RO60: variants seen among roughly 807,000 people sequenced by gnomAD.
RO60 encodes the protein RNA-binding protein RO60.
RO60 carries 20 observed loss-of-function variants against 55.3 expected under a neutral mutation model. The ratio of observed to expected loss-of-function variants is 0.36; its 90% CI spans 0.25 to 0.53. The LOEUF is 0.53. RO60 is among the 20% of genes least tolerant of loss of function. The pLI is 0.92. For synonymous variants in RO60, 213 were observed against 213.6 expected, an observed-to-expected ratio of 1.00 and a Z score of 0.02; for missense variants, 558 against 646.6, an observed-to-expected ratio of 0.86 and a Z score of 1.49.
Position 193,084,831 on chromosome 1 carries a change from GGT to G in RO60, c.*101_*102del. The G allele has an allele frequency of 6.5e-7, 1 of 1,528,568 alleles. No individual in the cohort carries two copies. Among genetic ancestry groups the G allele is most frequent in the Non-Finnish European group, 8.7e-7 (1 of 1,145,546 alleles). 94.7% of individuals were successfully genotyped at this position (1,528,568 alleles called of 1,614,324 possible). A position where few individuals can be genotyped will look rare whatever the true frequency, so the allele number is the denominator to read the frequency against. On this transcript the variant is annotated 3_prime_UTR_variant, in exon 9 of 9. Transcript: ENST00000400968. ...TAATCTCCACCCAATGAATGATGATGGTATAGTATGTGCATAATGGAAAGTTA... is the reference window on the plus strand; with the variant it reads ...TAATCTCCACCCAATGAATGATGATGATAGTATGTGCATAATGGAAAGTTA...
chr1:193,081,151 T>C (rs1674283369), intron 5 of RO60, among the ~76,000 whole-genome samples: 1 of 152,306 alleles, frequency 6.6e-6, no homozygotes, highest in East Asian at 1.9e-4. Flanking sequence ...TTGTTTTACC[T>C]GTAAAAGCTA....
At chr1:193,067,286 C>T (rs1057467612) in intron 1 of RO60, among the ~76,000 whole-genome samples, 18 of 150,448 alleles carry the variant, frequency 1.2e-4, no homozygotes, top group African/African-American at 3.7e-4. Flanking sequence ...CCCGGGTTCA[C>T]GCCATTCTCC....
At chr1:193,065,968 C>G (rs1302140256) in intron 1 of RO60, among the ~76,000 whole-genome samples, 1 of 152,162 alleles carries the variant, frequency 6.6e-6, no homozygotes, top group African/African-American at 2.4e-5. Flanking sequence ...ACTATGTGTT[C>G]CCCTCTCTGA....
chr1:193,083,311 CTTGAAAAA>C (rs1267337166), intron 8 of RO60, among the ~76,000 whole-genome samples: 1 of 151,948 alleles, frequency 6.6e-6, no homozygotes, highest in African/African-American at 2.4e-5. Flanking sequence ...CAGTGTGCTC[CTTGAAAAA>C]TTGAAAGTAT....
chr1:193,082,466 G>A, intron 7 of RO60, 96 bp from the exon 8 acceptor site: 1 of 1,427,044 alleles, frequency 7.0e-7, no homozygotes, highest in Non-Finnish European at 9.7e-7. Flanking sequence ...GCTTTGGGAA[G>A]GCTGTATATA....
At position 193,059,629 on chromosome 1, in the gene RO60, G is replaced by A; in HGVS notation, c.-169G>A. 1 of 1,406,420 alleles carries A rather than the reference G, an allele frequency of 7.1e-7. No homozygotes were observed. The highest frequency in any genetic ancestry group is 9.5e-7 in the Non-Finnish European group (1 of 1,049,554). 87.1% of individuals were successfully genotyped at this position (1,406,420 alleles called of 1,614,324 possible). A position where few individuals can be genotyped will look rare whatever the true frequency, so the allele number is the denominator to read the frequency against. On this transcript the variant is annotated 5_prime_UTR_variant, in exon 1 of 9. Coordinates refer to ENST00000400968, the MANE Select transcript of RO60 (RefSeq NM_001173524.2). This position sits in a 1 kb window ranked among gnomAD's most constrained non-coding sequence, Gnocchi z 4.9. Reference sequence around the variant, plus strand: ...GGGGCAGGACTCGTTCCCGGGAACCGAACCTGGAATCCCCGGCGGCAGTGG... The same window carrying A: ...GGGGCAGGACTCGTTCCCGGGAACCAAACCTGGAATCCCCGGCGGCAGTGG...
At chr1:193,075,234 T>C (rs963439462) in intron 2 of RO60, among the ~76,000 whole-genome samples, 3 of 151,824 alleles carry the variant, frequency 2.0e-5, no homozygotes. Context: ...CCAAGGCTCT[T>C]TTCTCTTTCT....
chr1:193,069,872 T>G (rs1354763237), intron 2 of RO60, among the ~76,000 whole-genome samples: 2 of 152,176 alleles, frequency 1.3e-5, no homozygotes, highest in Non-Finnish European at 2.9e-5. Flanking sequence ...ATTCTGAATC[T>G]TAAAATGCCA....
chr1:193,060,796 T>C (rs184726333), intron 1 of RO60, among the ~76,000 whole-genome samples: 116 of 152,322 alleles, frequency 7.6e-4, no homozygotes, highest in African/African-American at 2.7e-3. Context: ...ACTTGGAGAC[T>C]AGGAGGATTC....
At position 193,069,684 on chromosome 1, in the gene RO60, TAA is replaced by T. The variant is rs781523781; in HGVS notation, c.580+52_580+53del. ...AGAAGGGTGGGTAAGGGATATTCAA[TAA>T]ATAGCAAATTTTTATTTAACATAAG... On this transcript the variant is annotated intron_variant, in intron 2 of 8. Coordinates refer to ENST00000400968, the MANE Select transcript of RO60 (RefSeq NM_001173524.2). 5.0e-5 allele frequency: 71 copies of T among 1,423,356 alleles called. No homozygotes were observed. In the Middle Eastern group the frequency reaches 2.1e-3, roughly 42 times the overall value. The allele number at this position is 1,423,356 out of a possible 1,614,324, so 88.2% of individuals were successfully genotyped here. A position where few individuals can be genotyped will look rare whatever the true frequency, so the allele number is the denominator to read the frequency against.
chr1:193,082,495 A>C, intron 7 of RO60, 67 bp from the exon 8 acceptor site: 1 of 1,551,612 alleles, frequency 6.4e-7, no homozygotes, highest in Non-Finnish European at 8.9e-7. Context: ...AAACAAAATG[A>C]TACTGTAAAA....
chr1:193,060,256 G>C (rs568487906), intron 1 of RO60: 3 of 431,086 alleles, frequency 7.0e-6, no homozygotes, highest in Non-Finnish European at 1.2e-5. Context: ...TAGTGGAAGG[G>C]GATGCGGTGC....
At chr1:193,068,909 A>G (rs1317693776) in intron 1 of RO60, 125 bp from the exon 2 acceptor site, 6 of 657,804 alleles carry the variant, frequency 9.1e-6, no homozygotes, top group African/African-American at 3.6e-5. Context: ...GGGAAAAACT[A>G]TGGAACTTAA....
intron 8 of RO60, 55 bp downstream of exon 8, chr1:193,082,763 A>ATTTTT: frequency 8.7e-6 from 10 of 1,149,668 alleles, no homozygotes; most frequent in South Asian, 1.8e-5. Flanking sequence ...TTAATACTTG[A>ATTTTT]TTTTTTTTTT....
chr1:193,080,779 A>T (rs948133972), intron 5 of RO60, among the ~76,000 whole-genome samples: 1 of 152,220 alleles, frequency 6.6e-6, no homozygotes, highest in Non-Finnish European at 1.5e-5. Context: ...CAAGTATTGT[A>T]TGATTCCATT....
chr1:193,067,225 C>T (rs1364584219), intron 1 of RO60, among the ~76,000 whole-genome samples: 6 of 147,208 alleles, frequency 4.1e-5, no homozygotes, highest in Non-Finnish European at 7.5e-5. Flanking sequence ...TCGCTCTGTC[C>T]CCCAGGCTGG....
At chr1:193,076,359 TAGAC>T in intron 3 of RO60, 138 bp from the exon 4 acceptor site, 1 of 838,644 alleles carries the variant, frequency 1.2e-6, no homozygotes, top group Non-Finnish European at 1.8e-6. Context: ...GCCTTTTACT[TAGAC>T]ATTTTTCATT....
At chr1:193,064,256 T>C (rs995830989) in intron 1 of RO60, among the ~76,000 whole-genome samples, 8 of 152,244 alleles carry the variant, frequency 5.3e-5, no homozygotes, top group Non-Finnish European at 7.3e-5. Flanking sequence ...TCCTCCTCCT[T>C]TCATGGAAGG....
In RO60 at chr1:193,060,025, C is replaced by T. The variant is rs758888734; in HGVS notation, c.-22+249C>T. On this transcript the variant is annotated intron_variant, in intron 1 of 8. Transcript: ENST00000400968. ...CCTCAGGGTGGGCCCTTTCCGAAGC[C>T]GGGACCGCTCCTGCTTGTCGGCATC... 1.0e-5 allele frequency: 14 copies of T among 1,352,716 alleles called. No homozygotes were observed. The South Asian group carries it at 1.6e-4, about 16-fold the overall frequency. The allele number at this position is 1,352,716 out of a possible 1,614,324, so 83.8% of individuals were successfully genotyped here. A position where few individuals can be genotyped will look rare whatever the true frequency, so the allele number is the denominator to read the frequency against.
Sources: gnomAD v4.1 joint callset for allele counts (sites outside exome capture counted in the v4.1 genomes callset) on GRCh38, gnomAD v4.1.1 for gene constraint, Gnocchi (gnomAD v3.1) non-coding constraint, MANE v1.5 for transcripts, NCBI Gene and HGNC (gene_info 2026-07-23, HGNC 2026-07-21) for gene names.